Variants in RCL1 observed in about 807,000 individuals in gnomAD.
The protein encoded by RCL1 is RNA 3'-terminal phosphate cyclase-like protein.
A neutral mutation model predicts 42.4 loss-of-function variants in RCL1; 24 were observed. That is an observed-to-expected ratio of 0.57 (90% confidence interval 0.41 to 0.80). The LOEUF is 0.80. Among genes scored for constraint, RCL1 ranks in the 30% least tolerant of loss-of-function variants. The pLI is 0.00. For missense variants in RCL1, 578 were observed against 467.9 expected (o/e 1.24, Z -2.17); for synonymous variants, 228 against 177.3 (o/e 1.29, Z -2.27).
intron 8 of RCL1, among the ~76,000 whole-genome samples, chr9:4,850,086 A>G (rs962873021): frequency 6.6e-6 from 1 of 152,270 alleles, no homozygotes; most frequent in Non-Finnish European, 1.5e-5. Flanking sequence ...ACTCTTCAAA[A>G]AGAACAGTGT....
intron 1 of RCL1, chr9:4,804,818 G>A (rs190910820): frequency 5.2e-4 from 82 of 157,106 alleles, no homozygotes; most frequent in Middle Eastern, 2.7e-3. Flanking sequence ...TGAGGTCATG[G>A]GACTCCTCCC....
At chr9:4,816,613 G>C (rs1816386827) in intron 1 of RCL1, among the ~76,000 whole-genome samples, 1 of 151,712 alleles carries the variant, frequency 6.6e-6, no homozygotes, top group Non-Finnish European at 1.5e-5. Context: ...GCCCTTTTTG[G>C]GATGCATCTT....
At chr9:4,805,549 A>T (rs184574768) in intron 1 of RCL1, among the ~76,000 whole-genome samples, 110 of 152,336 alleles carry the variant, frequency 7.2e-4, no homozygotes, top group African/African-American at 2.6e-3. Flanking sequence ...CTAAACTCTT[A>T]TAGAAATAGA....
At chr9:4,852,500 T>C (rs1190583125) in intron 8 of RCL1, among the ~76,000 whole-genome samples, 2 of 152,228 alleles carry the variant, frequency 1.3e-5, no homozygotes, top group African/African-American at 4.8e-5. Context: ...GCACAAGTCT[T>C]GGAGTCCAGC....
At position 4,833,191 on chromosome 9, in the gene RCL1, A is replaced by T; in HGVS notation, c.422A>T (p.Lys141Ile). 1 of 1,613,548 alleles carries T rather than the reference A, an allele frequency of 6.2e-7. No homozygotes were observed. The change falls in exon 4 of 9, where the codon AAA (lysine) becomes ATA (isoleucine). Residue 141 changes from lysine (K) to isoleucine (I), a missense_variant. Physicochemically the swap from Lys to Ile is moderately radical, Grantham distance 102 (BLOSUM62 -3). Transcript: ENST00000381750. ...AAGGCAACAGCACTCCCTTTGTTGA[A>T]ACAATTTGGGATTGATGGTGAATCA... ...VLKATALPLL[K>I]QFGIDGESFE... is the part of the protein sequence containing the mutation.
intron 5 of RCL1, among the ~76,000 whole-genome samples, chr9:4,840,292 C>T (rs575603261): frequency 1.3e-5 from 2 of 152,294 alleles, no homozygotes; most frequent in African/African-American, 2.4e-5. Flanking sequence ...GGACTTGTCA[C>T]GTGGGGTTTG....
intron 3 of RCL1, among the ~76,000 whole-genome samples, chr9:4,827,950 G>A (rs1816820210): frequency 6.6e-6 from 1 of 152,046 alleles, no homozygotes; most frequent in Non-Finnish European, 1.5e-5. Flanking sequence ...ACTTTGGGAG[G>A]CCGAGGCGGG....
chr9:4,853,612 T>C (rs1389728560), intron 8 of RCL1, among the ~76,000 whole-genome samples: 3 of 152,102 alleles, frequency 2.0e-5, no homozygotes, highest in Admixed American at 6.6e-5. Flanking sequence ...TGAGCCACCG[T>C]GCCCGGCCAA....
chr9:4,814,274 G>A (rs548904028), intron 1 of RCL1, among the ~76,000 whole-genome samples: 8 of 143,660 alleles, frequency 5.6e-5, no homozygotes, highest in Non-Finnish European at 7.8e-5. Context: ...TCATGAGGGG[G>A]TTTTGAAATT....
At chr9:4,831,692 A>C (rs1476358186) in intron 3 of RCL1, among the ~76,000 whole-genome samples, 1 of 152,084 alleles carries the variant, frequency 6.6e-6, no homozygotes, top group African/African-American at 2.4e-5. Flanking sequence ...CTGTAGCTTT[A>C]ATATTTAAAA....
chr9:4,844,376 G>T lies in RCL1; in HGVS notation c.711-149G>T, dbSNP rs533052490. 4 of 550,138 alleles carry T rather than the reference G, an allele frequency of 7.3e-6. No homozygotes were observed. The Admixed American group carries it at 1.0e-4, about 14-fold the overall frequency. 34.1% of individuals were successfully genotyped at this position (550,138 alleles called of 1,614,324 possible). A position where few individuals can be genotyped will look rare whatever the true frequency, so the allele number is the denominator to read the frequency against. On this transcript the variant is annotated intron_variant, in intron 6 of 8. Coordinates refer to ENST00000381750, the MANE Select transcript of RCL1 (RefSeq NM_005772.5). Reference sequence around the variant, plus strand: ...TCTTTTCTGGTCAGCTAGTAAACTAGTAGCAACTCTATGAGGTTAATGCAG... The same window carrying T: ...TCTTTTCTGGTCAGCTAGTAAACTATTAGCAACTCTATGAGGTTAATGCAG...
chr9:4,799,632 C>T (rs1842966641), intron 1 of RCL1, among the ~76,000 whole-genome samples: 1 of 152,148 alleles, frequency 6.6e-6, no homozygotes, highest in South Asian at 2.1e-4. Context: ...AAGACTGCTC[C>T]ATAAATGGAA....
At chr9:4,810,726 C>G (rs1334439004) in intron 1 of RCL1, among the ~76,000 whole-genome samples, 1 of 152,140 alleles carries the variant, frequency 6.6e-6, no homozygotes, top group Non-Finnish European at 1.5e-5. Flanking sequence ...AGTGGTTGTA[C>G]AAAGTGACTG....
intron 6 of RCL1, among the ~76,000 whole-genome samples, chr9:4,842,967 C>G (rs3780363): frequency 0.26 from 39,286 of 152,100 alleles, 5,540 homozygotes; most frequent in South Asian, 0.39. Context: ...TCAGCTGACC[C>G]TAGAGTGTGG....
At chr9:4,806,625 C>T (rs1026971253) in intron 1 of RCL1, among the ~76,000 whole-genome samples, 15 of 149,176 alleles carry the variant, frequency 1.0e-4, no homozygotes, top group African/African-American at 3.8e-4. Context: ...CACACACACA[C>T]ACACACACAT....
intron 3 of RCL1, among the ~76,000 whole-genome samples, chr9:4,831,024 C>T (rs1276124114): frequency 6.6e-6 from 1 of 152,084 alleles, no homozygotes. Flanking sequence ...TTCGGCCCAG[C>T]CTCTCATTTT....
intron 8 of RCL1, among the ~76,000 whole-genome samples, chr9:4,853,305 T>C (rs980239641): frequency 6.6e-6 from 1 of 150,482 alleles, no homozygotes; most frequent in African/African-American, 2.4e-5. Flanking sequence ...CAGTCACTGC[T>C]TCCCTTACCC....
chr9:4,829,667 T>C (rs999594088), intron 3 of RCL1, among the ~76,000 whole-genome samples: 7 of 152,168 alleles, frequency 4.6e-5, no homozygotes, highest in African/African-American at 9.7e-5. Flanking sequence ...AATTCATCTT[T>C]CACGTGTTTT....
At chr9:4,800,877 C>T (rs947599108) in intron 1 of RCL1, among the ~76,000 whole-genome samples, 3 of 152,048 alleles carry the variant, frequency 2.0e-5, no homozygotes, top group Non-Finnish European at 4.4e-5. Flanking sequence ...TGGTCTCCAA[C>T]TCCTGACCTC....
Sources: allele counts gnomAD v4.1 joint callset (sites outside exome capture counted in the v4.1 genomes callset), GRCh38; gene constraint gnomAD v4.1.1; transcripts MANE v1.5; gene names NCBI Gene and HGNC (gene_info 2026-07-23, HGNC 2026-07-21).